Variants in TANGO6 observed in about 807,000 individuals in gnomAD.
TANGO6 encodes transport and Golgi organization protein 6 homolog.
A neutral mutation model predicts 114.2 loss-of-function variants in TANGO6; 90 were observed. The ratio of observed to expected loss-of-function variants is 0.79; its 90% CI spans 0.66 to 0.94. TANGO6 has a LOEUF of 0.94. Among genes scored for constraint, TANGO6 ranks in the 40% least tolerant of loss-of-function variants. TANGO6 has a pLI of 0.00. For synonymous variants in TANGO6, 477 were observed against 509.8 expected, an observed-to-expected ratio of 0.94 and a Z score of 0.87; for missense variants, 1,274 against 1,315.3, an observed-to-expected ratio of 0.97 and a Z score of 0.49.
At chr16:68,846,368 A>G (rs1297373585) in intron 1 of TANGO6, 1 of 185,552 alleles carries the variant, frequency 5.4e-6, no homozygotes, top group African/African-American at 2.4e-5. Flanking sequence ...CTGCTTCTCC[A>G]GTCTGTCATG....
intron 1 of TANGO6, among the ~76,000 whole-genome samples, chr16:68,852,813 C>G (rs1209188384): frequency 6.6e-6 from 1 of 152,052 alleles, no homozygotes; most frequent in Non-Finnish European, 1.5e-5. Context: ...GCCTGGGTGA[C>G]AGAGCGAGAC....
At chr16:68,855,009 CTTTTTTT>C (rs111359815) in intron 1 of TANGO6, among the ~76,000 whole-genome samples, 1 of 145,022 alleles carries the variant, frequency 6.9e-6, no homozygotes, top group South Asian at 2.2e-4. Flanking sequence ...CATCTTTTTT[CTTTTTTT>C]TTTTCCAAGA....
intron 14 of TANGO6, among the ~76,000 whole-genome samples, chr16:68,947,534 T>C (rs1963427721): frequency 6.6e-6 from 1 of 151,980 alleles, no homozygotes; most frequent in Non-Finnish European, 1.5e-5. Context: ...TAGAAAGCTT[T>C]GATTCTGTCA....
At chr16:68,949,262 G>A (rs1466733882) in intron 14 of TANGO6, among the ~76,000 whole-genome samples, 2 of 152,204 alleles carry the variant, frequency 1.3e-5, no homozygotes, top group East Asian at 1.9e-4. Context: ...AAGTAAGCAC[G>A]TAGCTTTCTG....
At chr16:68,872,663 G>C (rs536799640) in intron 4 of TANGO6, among the ~76,000 whole-genome samples, 3 of 140,696 alleles carry the variant, frequency 2.1e-5, no homozygotes, top group Non-Finnish European at 3.0e-5. Context: ...TGCATGCCTG[G>C]TAATTTTTTT....
At chr16:68,988,622 T>G (rs1963918614) in intron 15 of TANGO6, among the ~76,000 whole-genome samples, 1 of 152,134 alleles carries the variant, frequency 6.6e-6, no homozygotes, top group Non-Finnish European at 1.5e-5. Flanking sequence ...TGTTTCAGTC[T>G]ATGACCTGTT....
At chr16:68,910,529 A>G (rs1017712267) in intron 11 of TANGO6, among the ~76,000 whole-genome samples, 12 of 152,168 alleles carry the variant, frequency 7.9e-5, no homozygotes, top group African/African-American at 2.7e-4. Flanking sequence ...TTAAGGAACA[A>G]TGGTGTCAGG....
At chr16:68,884,063 C>A (rs929317781) in intron 7 of TANGO6, among the ~76,000 whole-genome samples, 2 of 152,052 alleles carry the variant, frequency 1.3e-5, no homozygotes, top group South Asian at 4.2e-4. Flanking sequence ...GCACCCACCA[C>A]CACGCCGAGC....
intron 15 of TANGO6, 115 bp from the exon 16 acceptor site, chr16:69,022,713 A>AG: frequency 3.2e-6 from 4 of 1,257,036 alleles, no homozygotes; most frequent in Middle Eastern, 2.8e-4. Context: ...CAAAAAAAAA[A>AG]TAAAAACAAA....
intron 17 of TANGO6, among the ~76,000 whole-genome samples, chr16:69,056,997 C>G (rs905500185): frequency 1.7e-5 from 1 of 59,822 alleles, no homozygotes; most frequent in Non-Finnish European, 3.1e-5. Flanking sequence ...GCCTGATTTT[C>G]TTTTTTTTTT....
intron 1 of TANGO6, among the ~76,000 whole-genome samples, chr16:68,848,946 A>G (rs1280529661): frequency 1.6e-4 from 24 of 152,126 alleles, no homozygotes; most frequent in Non-Finnish European, 3.5e-4. Context: ...TCCCAGGCTC[A>G]TCTGAGGTAT....
chr16:69,037,229 T>C (rs1485487251), intron 16 of TANGO6, among the ~76,000 whole-genome samples: 2 of 151,526 alleles, frequency 1.3e-5, no homozygotes, highest in African/African-American at 4.9e-5. Flanking sequence ...GTGGGATTAA[T>C]GCACAAATGC....
intron 12 of TANGO6, 78 bp from the exon 13 acceptor site, chr16:68,927,490 A>ATATG: frequency 6.7e-7 from 1 of 1,496,920 alleles, no homozygotes; most frequent in South Asian, 1.3e-5. Flanking sequence ...TTTTCTCAGA[A>ATATG]TATGTTTCCT....
At chr16:68,913,262 T>G (rs116324219) in intron 11 of TANGO6, among the ~76,000 whole-genome samples, 25,019 of 151,754 alleles carry the variant, frequency 0.16, 2,109 homozygotes, top group African/African-American at 0.2. Context: ...TTTTGTTTTT[T>G]TTGTAGAGAT....
At chr16:69,045,313 G>A (rs1451043280) in intron 17 of TANGO6, among the ~76,000 whole-genome samples, 2 of 150,208 alleles carry the variant, frequency 1.3e-5, no homozygotes, top group East Asian at 2.0e-4. Flanking sequence ...GTGTGGTGGC[G>A]GGTGCCTGTA....
At chr16:68,950,656 C>T (rs1472161366) in intron 14 of TANGO6, among the ~76,000 whole-genome samples, 2 of 150,722 alleles carry the variant, frequency 1.3e-5, no homozygotes, top group South Asian at 2.1e-4. Flanking sequence ...TTCAGGAGTT[C>T]GAGACCAGCT....
At chr16:68,930,204 T>G (rs1963221069) in intron 13 of TANGO6, 34 bp from the exon 14 acceptor site, 2 of 1,541,708 alleles carry the variant, frequency 1.3e-6, no homozygotes, top group Non-Finnish European at 1.8e-6. Flanking sequence ...TTGTTCTTTG[T>G]AAATCTTATC....
intron 17 of TANGO6, among the ~76,000 whole-genome samples, chr16:69,061,892 G>A (rs1378501683): frequency 6.6e-6 from 1 of 151,868 alleles, no homozygotes; most frequent in African/African-American, 2.4e-5. Context: ...GGTGGTGGGC[G>A]CCTATAGTCC....
chr16:68,956,232 A>C (rs1963528944), intron 14 of TANGO6, among the ~76,000 whole-genome samples: 1 of 152,230 alleles, frequency 6.6e-6, no homozygotes, highest in African/African-American at 2.4e-5. Flanking sequence ...AAGAGCTCAT[A>C]AGAAAACAGG....
Sources: gnomAD v4.1 joint callset for allele counts (sites outside exome capture counted in the v4.1 genomes callset) on GRCh38, gnomAD v4.1.1 for gene constraint, MANE v1.5 for transcripts, NCBI Gene and HGNC (gene_info 2026-07-23, HGNC 2026-07-21) for gene names.